Variants in EYS observed in about 807,000 individuals in gnomAD.
The protein encoded by EYS is EGF-like photoreceptor maintenance factor.
EYS carries 250 observed loss-of-function variants against 282.1 expected under a neutral mutation model. The observed-to-expected ratio is 0.89, with a 90% CI of 0.80 to 0.98. EYS has a LOEUF of 0.98. Ranked by LOEUF, EYS falls within the 50% of genes least tolerant of loss-of-function variation. The pLI is 0.00. For missense variants in EYS, 4,016 were observed against 3,709.0 expected, an observed-to-expected ratio of 1.08 and a Z score of -2.15; for synonymous variants, 1,355 against 1,282.9, an observed-to-expected ratio of 1.06 and a Z score of -1.20.
chr6:64,438,433 G>A (rs1359651036), intron 27 of EYS, among the ~76,000 whole-genome samples: 1 of 151,678 alleles, frequency 6.6e-6, no homozygotes, highest in Non-Finnish European at 1.5e-5. Context: ...ACACTTATGA[G>A]AGTAAAAGTG....
chr6:64,556,077 A>G (rs1765223993), intron 26 of EYS, among the ~76,000 whole-genome samples: 1 of 152,022 alleles, frequency 6.6e-6, no homozygotes, highest in Non-Finnish European at 1.5e-5. Flanking sequence ...GACAATTTAA[A>G]AGTTTCTTTT....
chr6:64,196,153 T>A (rs1765281387), intron 31 of EYS, among the ~76,000 whole-genome samples: 1 of 152,174 alleles, frequency 6.6e-6, no homozygotes, highest in Admixed American at 6.5e-5. Context: ...ATGCTCATCA[T>A]CACTGGCCAT....
intron 26 of EYS, among the ~76,000 whole-genome samples, chr6:64,583,374 G>A (rs1295985964): frequency 1.3e-5 from 2 of 152,066 alleles, no homozygotes; most frequent in Non-Finnish European, 2.9e-5. Context: ...TTGTGTTAAA[G>A]AGTTACAGCT....
At chr6:65,192,377 TA>T (rs1306605231) in intron 12 of EYS, among the ~76,000 whole-genome samples, 1 of 150,810 alleles carries the variant, frequency 6.6e-6, no homozygotes, top group African/African-American at 2.4e-5. Flanking sequence ...CAAGTTCACA[TA>T]AAAAATTTTA....
chr6:63,738,753 TACAG>T (rs1281370811), intron 41 of EYS, among the ~76,000 whole-genome samples: 1 of 152,018 alleles, frequency 6.6e-6, no homozygotes. Context: ...AAAAAATACA[TACAG>T]ACATATATAC....
chr6:64,007,315 G>A (rs2128353), intron 33 of EYS, among the ~76,000 whole-genome samples: 1 of 149,672 alleles, frequency 6.7e-6, no homozygotes, highest in East Asian at 1.9e-4. Flanking sequence ...GAGGTTTTTT[G>A]TTTTTCTGTG....
At chr6:65,342,191 C>T (rs1173306527) in intron 10 of EYS, among the ~76,000 whole-genome samples, 1 of 150,770 alleles carries the variant, frequency 6.6e-6, no homozygotes, top group African/African-American at 2.4e-5. Context: ...TTAAAAAGGA[C>T]TCATGTAATT....
intron 12 of EYS, among the ~76,000 whole-genome samples, chr6:65,258,299 T>C (rs1767525696): frequency 1.3e-5 from 2 of 152,084 alleles, no homozygotes; most frequent in African/African-American, 4.8e-5. Flanking sequence ...AAGAGTTGAA[T>C]TAGAGGAGAA....
chr6:64,616,315 T>C (rs1213621116), intron 24 of EYS, among the ~76,000 whole-genome samples: 1 of 152,160 alleles, frequency 6.6e-6, no homozygotes, highest in East Asian at 1.9e-4. Flanking sequence ...TCAGAGCATC[T>C]GATATTTTTC....
intron 22 of EYS, among the ~76,000 whole-genome samples, chr6:64,749,698 CA>C (rs952818860): frequency 6.2e-4 from 95 of 152,210 alleles, no homozygotes; most frequent in African/African-American, 2.1e-3. Flanking sequence ...CAGATACCAT[CA>C]AAAACTAAAG....
At chr6:65,150,593 G>C (rs1408604808) in intron 12 of EYS, among the ~76,000 whole-genome samples, 1 of 151,708 alleles carries the variant, frequency 6.6e-6, no homozygotes, top group African/African-American at 2.4e-5. Flanking sequence ...CAAATAGTCT[G>C]TCATTACAGG....
chr6:65,627,310 A>C (rs1766738199), intron 2 of EYS, among the ~76,000 whole-genome samples: 1 of 151,772 alleles, frequency 6.6e-6, no homozygotes, highest in African/African-American at 2.4e-5. Flanking sequence ...CAAGTTTAAC[A>C]AAGAGAATTT....
At chr6:65,382,660 G>A (rs1765663135) in intron 8 of EYS, among the ~76,000 whole-genome samples, 1 of 151,916 alleles carries the variant, frequency 6.6e-6, no homozygotes, top group South Asian at 2.1e-4. Context: ...TGAGGAGCAA[G>A]GAAGCCAGTC....
At chr6:65,354,705 T>C (rs1360528819) in intron 8 of EYS, among the ~76,000 whole-genome samples, 2 of 152,016 alleles carry the variant, frequency 1.3e-5, no homozygotes, top group Non-Finnish European at 2.9e-5. Flanking sequence ...TAATCCCGCC[T>C]ACTCTGGAGA....
intron 26 of EYS, among the ~76,000 whole-genome samples, chr6:64,566,966 G>A (rs964653004): frequency 2.6e-5 from 4 of 151,986 alleles, no homozygotes; most frequent in East Asian, 1.9e-4. Flanking sequence ...ATAGAGACAG[G>A]GTTTCACCAT....
intron 33 of EYS, among the ~76,000 whole-genome samples, chr6:64,014,084 T>A (rs1768771646): frequency 6.6e-6 from 1 of 152,148 alleles, no homozygotes; most frequent in Admixed American, 6.6e-5. Flanking sequence ...TGATTTCTGA[T>A]CCTTTCATCT....
At chr6:65,217,551 G>A (rs1041942248) in intron 12 of EYS, among the ~76,000 whole-genome samples, 1 of 152,044 alleles carries the variant, frequency 6.6e-6, no homozygotes, top group African/African-American at 2.4e-5. Flanking sequence ...ACCAGATGAT[G>A]AGACGGGCTG....
At chr6:64,172,860 GA>G (rs1764522874) in intron 31 of EYS, among the ~76,000 whole-genome samples, 1 of 152,178 alleles carries the variant, frequency 6.6e-6, no homozygotes, top group Non-Finnish European at 1.5e-5. Flanking sequence ...CTCCTTATAA[GA>G]ATCTAATGCC....
chr6:63,979,395 A>G (rs186626873), intron 35 of EYS, among the ~76,000 whole-genome samples: 1 of 152,094 alleles, frequency 6.6e-6, no homozygotes, highest in East Asian at 1.9e-4. Context: ...AGCTAGAAGC[A>G]TAGAAAGCAG....
Sources: gnomAD v4.1 joint callset for allele counts (sites outside exome capture counted in the v4.1 genomes callset) on GRCh38, gnomAD v4.1.1 for gene constraint, MANE v1.5 for transcripts, NCBI Gene and HGNC (gene_info 2026-07-23, HGNC 2026-07-21) for gene names.